The following FKBP14 variants were observed in gnomAD, a reference collection of about 807,000 sequenced individuals.
FKBP14 encodes FKBP prolyl isomerase 14, also known as peptidyl-prolyl cis-trans isomerase FKBP14.
Under a neutral mutation model 21.6 loss-of-function variants are expected in FKBP14, and 20 were observed. The observed-to-expected ratio is 0.92, with a 90% CI of 0.65 to 1.34. The LOEUF (loss-of-function observed/expected upper bound fraction) is 1.34, where lower values mean the gene tolerates loss of function less well. Ranked by LOEUF, FKBP14 falls within the 40% of genes most tolerant of loss-of-function variation. The pLI, the probability that FKBP14 is intolerant of heterozygous loss-of-function variation, is 0.00. For synonymous variants in FKBP14, 79 were observed against 86.7 expected (o/e 0.91, Z 0.49); for missense variants, 253 against 249.0 (o/e 1.02, Z -0.11).
At chr7:30,020,157 TGAAA>T (rs1789992362) in intron 2 of FKBP14, 3 of 938,200 alleles carry the variant, frequency 3.2e-6, no homozygotes, top group Non-Finnish European at 4.1e-6. Context: ...CATATTTCCA[TGAAA>T]GAACATTCAT....
chr7:30,009,629 G>C (rs1789677408), downstream of FKBP14, among the ~76,000 whole-genome samples: 1 of 152,044 alleles, frequency 6.6e-6, no homozygotes, highest in Non-Finnish European at 1.5e-5. Flanking sequence ...CAAACACTGA[G>C]AAATCACCCA....
downstream of FKBP14, among the ~76,000 whole-genome samples, chr7:30,006,240 G>A (rs1314823014): frequency 1.3e-5 from 2 of 149,852 alleles, no homozygotes; most frequent in East Asian, 4.0e-4. Context: ...TCCCATCTCA[G>A]CCTCCTGAGT....
At position 30,014,512 on chromosome 7, in the gene FKBP14, A is replaced by G; in HGVS notation, c.*223T>C. 1 of 303,348 alleles carries G rather than the reference A, an allele frequency of 3.3e-6. No individual in the cohort carries two copies. Among genetic ancestry groups the G allele is most frequent in the Non-Finnish European group, 6.0e-6 (1 of 167,496 alleles). 18.8% of individuals were successfully genotyped at this position (303,348 alleles called of 1,614,324 possible). ...TATCTGTGAAAGTGAAAAATTGTCC[A>G]GAAGTCTTCTATTCAAAGACCAATT... On this transcript the variant is annotated 3_prime_UTR_variant, in exon 4 of 4. Coordinates refer to ENST00000222803, the MANE Select transcript of FKBP14 (RefSeq NM_017946.4).
At chr7:30,018,893 A>G (rs1789958804) in intron 3 of FKBP14, 103 bp downstream of exon 3, 10 of 1,163,142 alleles carry the variant, frequency 8.6e-6, no homozygotes, top group South Asian at 2.9e-5. Flanking sequence ...GATTTGAAAT[A>G]TACACATATT....
chr7:30,018,681 A>G (rs1789953697), intron 3 of FKBP14, among the ~76,000 whole-genome samples: 1 of 152,202 alleles, frequency 6.6e-6, no homozygotes, highest in Admixed American at 6.5e-5. Flanking sequence ...GTCTTGGCAA[A>G]ATTGTTCTTT....
intron 2 of FKBP14, 127 bp from the exon 3 acceptor site, chr7:30,019,250 G>A: frequency 2.4e-6 from 2 of 850,258 alleles, no homozygotes; most frequent in Non-Finnish European, 3.4e-6. Context: ...TGTCATATAT[G>A]ATGAAAATTA....
chr7:30,026,598 C>G lies in FKBP14; in HGVS notation c.-90G>C. 8.0e-7 allele frequency: 1 copy of G among 1,249,366 alleles called. No individual in the cohort carries two copies. 77.4% of individuals were successfully genotyped at this position (1,249,366 alleles called of 1,614,324 possible). ...AAGAACGTAGTTCAAGGCTTACGGA[C>G]AAGGGCTTCAGACAAGTTCAGGACT... On this transcript the variant is annotated 5_prime_UTR_variant, in exon 1 of 4. Coordinates refer to ENST00000222803, the MANE Select transcript of FKBP14 (RefSeq NM_017946.4).
rs2127945595 is a variant in FKBP14, at chr7:30,011,891, T to C, written c.*2844A>G. 6.6e-6 allele frequency: 1 copy of C among 152,292 alleles called. No homozygotes were observed. The highest frequency in any genetic ancestry group is 1.5e-5 in the Non-Finnish European group (1 of 68,032). The allele number at this position is 152,292 out of a possible 1,614,324, so 9.4% of individuals were successfully genotyped here. Reference sequence around the variant, plus strand: ...TTACAAAATCTTTTATACCATATTGTTATTGTTGTAGTATCTTTTCTGTGT... The same window carrying C: ...TTACAAAATCTTTTATACCATATTGCTATTGTTGTAGTATCTTTTCTGTGT... On this transcript the variant is annotated 3_prime_UTR_variant, in exon 4 of 4. Transcript: ENST00000222803.
intron 2 of FKBP14, chr7:30,020,308 C>T (rs1789998251): frequency 7.8e-7 from 1 of 1,280,740 alleles, no homozygotes; most frequent in African/African-American, 1.5e-5. Context: ...TAAAAGACTA[C>T]AAAATTAGTG....
Position 30,014,857 on chromosome 7 carries a change from C to T in FKBP14, c.514G>A (p.Gly172Ser), listed in dbSNP as rs1789839054. The T allele has an allele frequency of 6.3e-7, 1 of 1,598,834 alleles. No homozygotes were observed. The highest frequency in any genetic ancestry group is 8.5e-7 in the Non-Finnish European group (1 of 1,176,264). Residue 172 changes from glycine (G) to serine (S), a missense_variant, in exon 4 of 4, where the codon GGT becomes AGT. Physicochemically the swap from Gly to Ser is moderately conservative, Grantham distance 56. Transcript: ENST00000222803. ...AYLKKEFEKHGAVVNESHHDA... is the reference protein window; with the variant it reads ...AYLKKEFEKHSAVVNESHHDA... ...TGATGACTTTCATTCACCACCGCAC[C>T]ATGTTTTTCAAACTCCTTCTTTAAA...
At position 30,010,597 on chromosome 7, in the gene FKBP14, A is replaced by G. The variant is rs1008511180; in HGVS notation, c.*4138T>C. 1 of 152,334 alleles carries G rather than the reference A, an allele frequency of 6.6e-6. No individual in the cohort carries two copies. The highest frequency in any genetic ancestry group is 3.4e-3 in the Middle Eastern group (1 of 294). 9.4% of individuals were successfully genotyped at this position (152,334 alleles called of 1,614,324 possible). A position where few individuals can be genotyped will look rare whatever the true frequency, so the allele number is the denominator to read the frequency against. ...TTTTCACAAAATCAGTTATCTCCCAAATAAACTTTATTTTGAAAAGAATAT... is the reference window on the plus strand; with the variant it reads ...TTTTCACAAAATCAGTTATCTCCCAGATAAACTTTATTTTGAAAAGAATAT... On this transcript the variant is annotated 3_prime_UTR_variant, in exon 4 of 4. Transcript: ENST00000222803.
chr7:30,011,060 CAG>C lies in FKBP14; in HGVS notation c.*3673_*3674del, dbSNP rs1028177097. On this transcript the variant is annotated 3_prime_UTR_variant, in exon 4 of 4. Coordinates refer to ENST00000222803, the MANE Select transcript of FKBP14 (RefSeq NM_017946.4). Reference sequence around the variant, plus strand: ...AATTATAGAATTTTTTTTTTTGAGACAGAGTCTTGCTCCTCTGTCACCCAGAC... The same window carrying C: ...AATTATAGAATTTTTTTTTTTGAGACAGTCTTGCTCCTCTGTCACCCAGAC... The C allele has an allele frequency of 6.6e-6, 1 of 150,548 alleles. No homozygotes were observed. The highest frequency in any genetic ancestry group is 1.5e-5 in the Non-Finnish European group (1 of 67,758). The allele number at this position is 150,548 out of a possible 1,614,324, so 9.3% of individuals were successfully genotyped here.
Position 30,019,110 on chromosome 7 carries a change from T to TG in FKBP14, c.362dup (p.Glu122ArgfsTer7), listed in dbSNP as rs542489955. On this transcript the variant is annotated frameshift_variant, in exon 3 of 4. Coordinates refer to ENST00000222803, the MANE Select transcript of FKBP14 (RefSeq NM_017946.4). LOFTEE classifies it high-confidence loss of function. ...CAATATTAAATATCAGTGTACTTTC[T>TG]GGGGGAATTTTACCTGACGTGAGGA... 1,106 of 1,574,900 alleles carry TG rather than the reference T, an allele frequency of 7.0e-4. No individual in the cohort carries two copies. The highest frequency in any genetic ancestry group is 8.6e-4 in the Non-Finnish European group (1,001 of 1,168,232).
chr7:30,017,014 C>A (rs527674386), intron 3 of FKBP14, among the ~76,000 whole-genome samples: 26 of 151,980 alleles, frequency 1.7e-4, no homozygotes, highest in Non-Finnish European at 3.4e-4. Flanking sequence ...AGCAAAACGA[C>A]AAAACAGCAT....
intron 3 of FKBP14, among the ~76,000 whole-genome samples, chr7:30,016,330 C>A (rs898436423): frequency 1.3e-5 from 2 of 152,144 alleles, no homozygotes; most frequent in Non-Finnish European, 2.9e-5. Flanking sequence ...CACAACCTTT[C>A]AATCTCAGAA....
chr7:30,007,717 T>G (rs1403291861), downstream of FKBP14, among the ~76,000 whole-genome samples: 1 of 152,210 alleles, frequency 6.6e-6, no homozygotes, highest in Non-Finnish European at 1.5e-5. Flanking sequence ...TTCAGGTTTT[T>G]GGACCACCTG....
rs1304391181 is a variant in FKBP14, at chr7:30,011,526, T to TAC, written c.*3207_*3208dup. On this transcript the variant is annotated 3_prime_UTR_variant, in exon 4 of 4. Transcript: ENST00000222803. ...TACAGGTATACCATATATATATATA[T>TAC]ACACACACCATATATATATATACTA... 4 of 144,412 alleles carry TAC rather than the reference T, an allele frequency of 2.8e-5. No homozygotes were observed. Among genetic ancestry groups the TAC allele is most frequent in the Non-Finnish European group, 6.0e-5 (4 of 66,666 alleles). The allele number at this position is 144,412 out of a possible 1,614,324, so 8.9% of individuals were successfully genotyped here. A position where few individuals can be genotyped will look rare whatever the true frequency, so the allele number is the denominator to read the frequency against.
chr7:30,008,347 CATTT>C (rs1789649839), downstream of FKBP14: 1 of 152,280 alleles, frequency 6.6e-6, no homozygotes, highest in African/African-American at 2.4e-5. Flanking sequence ...AAGAAAAAAT[CATTT>C]ATCTTCAAAT....
chr7:30,019,624 T>C (rs999665050), intron 2 of FKBP14, among the ~76,000 whole-genome samples: 1 of 152,148 alleles, frequency 6.6e-6, no homozygotes, highest in Non-Finnish European at 1.5e-5. Context: ...GGTGTCACAC[T>C]GTCTGAGGCT....
Sources: allele counts gnomAD v4.1 joint callset (sites outside exome capture counted in the v4.1 genomes callset), GRCh38; gene constraint gnomAD v4.1.1; transcripts MANE v1.5; gene names NCBI Gene and HGNC (gene_info 2026-07-23, HGNC 2026-07-21).